Variants in ASTN2 observed in about 807,000 individuals in gnomAD.
ASTN2 encodes astrotactin-2.
A neutral mutation model predicts 139.8 loss-of-function variants in ASTN2; 54 were observed. That is an observed-to-expected ratio of 0.39 (90% CI 0.31 to 0.48). The LOEUF is 0.48. Ranked by LOEUF, ASTN2 falls within the 20% of genes least tolerant of loss-of-function variation. ASTN2 has a pLI of 0.95. For synonymous variants in ASTN2, 756 were observed against 719.5 expected, an observed-to-expected ratio of 1.05 and a Z score of -0.81; for missense variants, 1,565 against 1,725.1, an observed-to-expected ratio of 0.91 and a Z score of 1.64.
At chr9:116,823,962 T>C (rs1453737032) in intron 11 of ASTN2, among the ~76,000 whole-genome samples, 1 of 152,208 alleles carries the variant, frequency 6.6e-6, no homozygotes, top group East Asian at 1.9e-4. Context: ...TTACTGTCTG[T>C]CTCCTCCACC....
intron 19 of ASTN2, among the ~76,000 whole-genome samples, chr9:116,603,963 T>C (rs1201817206): frequency 6.6e-6 from 1 of 152,128 alleles, no homozygotes. Context: ...CTCAAACAAT[T>C]TCCCACTTCC....
intron 4 of ASTN2, among the ~76,000 whole-genome samples, chr9:117,104,733 C>T (rs1382870428): frequency 2.6e-5 from 4 of 152,092 alleles, no homozygotes; most frequent in African/African-American, 4.8e-5. Flanking sequence ...GTTGCTCCTA[C>T]GCATTTAAAA....
intron 19 of ASTN2, among the ~76,000 whole-genome samples, chr9:116,616,151 G>A (rs1855843081): frequency 1.3e-5 from 2 of 152,318 alleles, no homozygotes; most frequent in East Asian, 3.9e-4. Context: ...ACATGATCAT[G>A]CATACAGAAA....
intron 5 of ASTN2, among the ~76,000 whole-genome samples, chr9:117,070,873 G>A (rs1828099699): frequency 2.0e-5 from 3 of 150,138 alleles, no homozygotes; most frequent in Admixed American, 2.0e-4. Flanking sequence ...GCTCCTTTAA[G>A]CACTTCTCTG....
At chr9:117,025,121 A>C (rs528597794) in intron 6 of ASTN2, among the ~76,000 whole-genome samples, 2 of 152,174 alleles carry the variant, frequency 1.3e-5, no homozygotes, top group Non-Finnish European at 2.9e-5. Flanking sequence ...AGACTAATAC[A>C]AGCGGCAAAG....
intron 16 of ASTN2, among the ~76,000 whole-genome samples, chr9:116,696,651 C>T (rs1023234324): frequency 2.0e-5 from 3 of 152,114 alleles, no homozygotes; most frequent in East Asian, 1.9e-4. Context: ...GTTTTTATTT[C>T]GTTTATAGTA....
intron 1 of ASTN2, among the ~76,000 whole-genome samples, chr9:117,297,962 A>C (rs182181751): frequency 3.0e-4 from 46 of 152,342 alleles, no homozygotes; most frequent in Non-Finnish European, 5.4e-4. Context: ...GGTGCACAGC[A>C]GGTGGGAAAG....
At chr9:117,282,214 A>C (rs1212169513) in intron 2 of ASTN2, among the ~76,000 whole-genome samples, 1 of 152,114 alleles carries the variant, frequency 6.6e-6, no homozygotes, top group Non-Finnish European at 1.5e-5. Context: ...ATTTCAACGT[A>C]CCTAGTATAG....
At chr9:117,024,214 A>G (rs143081288) in intron 6 of ASTN2, among the ~76,000 whole-genome samples, 2 of 152,260 alleles carry the variant, frequency 1.3e-5, no homozygotes, top group Admixed American at 6.5e-5. Context: ...TACCTTCTCT[A>G]TCTTCTACCC....
chr9:117,234,921 C>G (rs1459324303), intron 2 of ASTN2, among the ~76,000 whole-genome samples: 2 of 152,166 alleles, frequency 1.3e-5, no homozygotes, highest in African/African-American at 4.8e-5. Context: ...CAATCGGTGT[C>G]TGCTGTTTTA....
rs1439494992 is a variant in ASTN2, at chr9:117,225,551, A to G, written c.631-10809T>C. Among the ~76,000 whole-genome samples the G allele has an allele frequency of 4.2e-4, 35 of 84,008 alleles. 4 individuals carry two copies. The highest frequency in any genetic ancestry group is 2.3e-3 in the East Asian group (4 of 1,768). 55.1% of individuals were successfully genotyped at this position (84,008 alleles called of 152,430 possible). A position where few individuals can be genotyped will look rare whatever the true frequency, so the allele number is the denominator to read the frequency against. ...AAGCTGTATGTATATATATATATAT[A>G]TATATATATATATATATATATATAC... is the stretch of plus-strand genomic sequence containing the variant. On this transcript the variant is annotated intron_variant, in intron 2 of 22. Coordinates refer to ENST00000313400, the MANE Select transcript of ASTN2 (RefSeq NM_001365068.1).
rs538322010 is a variant in ASTN2, at chr9:117,038,583, C to T, written c.1423+1236G>A. Among the ~76,000 whole-genome samples, 11 of 152,208 alleles carry T rather than the reference C, an allele frequency of 7.2e-5. No homozygotes were observed. In the South Asian group the frequency reaches 2.1e-3, roughly 29 times the overall value. ...TCATGGGTATTTACTTATCTTCAAA[C>T]TCATCGAGACATATATATTTTAAAA... On this transcript the variant is annotated intron_variant, in intron 6 of 22. Coordinates refer to ENST00000313400, the MANE Select transcript of ASTN2 (RefSeq NM_001365068.1).
chr9:116,737,866 T>A (rs1016497840), intron 13 of ASTN2, among the ~76,000 whole-genome samples: 15 of 152,060 alleles, frequency 9.9e-5, no homozygotes, highest in Admixed American at 3.3e-4. Context: ...TTTTGAGGAC[T>A]TGGCGGGGGA....
intron 2 of ASTN2, among the ~76,000 whole-genome samples, chr9:117,284,638 A>C (rs1206590559): frequency 6.6e-6 from 1 of 152,212 alleles, no homozygotes; most frequent in Non-Finnish European, 1.5e-5. Context: ...TCTGTCTTTT[A>C]AGCCACTCAG....
At chr9:116,444,725 T>A (rs1449222026) in intron 20 of ASTN2, among the ~76,000 whole-genome samples, 1 of 152,154 alleles carries the variant, frequency 6.6e-6, no homozygotes, top group Non-Finnish European at 1.5e-5. Context: ...GGGTTCATAT[T>A]CCAGTTTTAC....
At chr9:117,405,324 T>C (rs1344936602) in intron 1 of ASTN2, among the ~76,000 whole-genome samples, 2 of 152,218 alleles carry the variant, frequency 1.3e-5, no homozygotes, top group African/African-American at 4.8e-5. Flanking sequence ...ATAATAGCTG[T>C]GTGATCTTGG....
At chr9:117,191,290 A>T (rs1211497066) in intron 3 of ASTN2, among the ~76,000 whole-genome samples, 1 of 151,614 alleles carries the variant, frequency 6.6e-6, no homozygotes, top group East Asian at 1.9e-4. Context: ...AGCAGTCATG[A>T]GATAGAATTA....
At chr9:116,901,923 G>A (rs1316731133) in intron 10 of ASTN2, among the ~76,000 whole-genome samples, 1 of 152,154 alleles carries the variant, frequency 6.6e-6, no homozygotes, top group Non-Finnish European at 1.5e-5. Flanking sequence ...AGCTACTCAG[G>A]AGGCTGAGGC....
At chr9:117,040,737 G>A (rs1400191998) in intron 5 of ASTN2, among the ~76,000 whole-genome samples, 1 of 152,178 alleles carries the variant, frequency 6.6e-6, no homozygotes, top group African/African-American at 2.4e-5. Flanking sequence ...GGGATTACAG[G>A]CATAAGCCAC....
Sources: allele counts gnomAD v4.1 joint callset (sites outside exome capture counted in the v4.1 genomes callset), GRCh38; gene constraint gnomAD v4.1.1; transcripts MANE v1.5; gene names NCBI Gene and HGNC (gene_info 2026-07-23, HGNC 2026-07-21).